Variants in NRG1 observed in about 807,000 individuals in gnomAD.
NRG1 encodes the protein neuregulin 1.
NRG1 carries 18 observed loss-of-function variants against 63.8 expected under a neutral mutation model. That is an observed-to-expected ratio of 0.28 (90% CI 0.19 to 0.42). The LOEUF (loss-of-function observed/expected upper bound fraction) is 0.42. Among genes scored for constraint, NRG1 ranks in the 10% least tolerant of loss-of-function variants. The pLI is 1.00. For synonymous variants in NRG1, 302 were observed against 301.3 expected (o/e 1.00, Z -0.02); for missense variants, 762 against 814.7 (o/e 0.94, Z 0.79).
intron 1 of NRG1, among the ~76,000 whole-genome samples, chr8:31,908,095 C>T (rs143303673): frequency 7.7e-4 from 117 of 152,212 alleles, no homozygotes; most frequent in Non-Finnish European, 1.5e-3. Flanking sequence ...AAAAAGGCAG[C>T]AAGGAGCTAA....
At chr8:31,726,139 T>TA (rs1185533409) in intron 1 of NRG1, among the ~76,000 whole-genome samples, 4 of 151,958 alleles carry the variant, frequency 2.6e-5, no homozygotes, top group African/African-American at 4.8e-5. Context: ...ATTTTCCTAT[T>TA]AAAAAAAGGG....
At chr8:32,737,612 ATAAC>A (rs1825400857) in intron 6 of NRG1, among the ~76,000 whole-genome samples, 3 of 152,202 alleles carry the variant, frequency 2.0e-5, no homozygotes, top group African/African-American at 4.8e-5. Flanking sequence ...AACTATAAAA[ATAAC>A]AGACAGATGT....
chr8:32,537,150 C>T (rs796163384), intron 1 of NRG1, among the ~76,000 whole-genome samples: 3 of 138,070 alleles, frequency 2.2e-5, no homozygotes, highest in South Asian at 2.3e-4. Flanking sequence ...GATCCCAGAT[C>T]GCGCCACTGC....
chr8:32,504,430 G>A (rs1227782328), intron 1 of NRG1, among the ~76,000 whole-genome samples: 4 of 152,028 alleles, frequency 2.6e-5, no homozygotes, highest in African/African-American at 9.7e-5. Flanking sequence ...AATATATTTG[G>A]TTATATTTCT....
chr8:32,181,971 T>G (rs1841475553), intron 1 of NRG1, among the ~76,000 whole-genome samples: 1 of 152,210 alleles, frequency 6.6e-6, no homozygotes, highest in South Asian at 2.1e-4. Flanking sequence ...TTTGAGTTAG[T>G]CTAAATGTAT....
intron 1 of NRG1, among the ~76,000 whole-genome samples, chr8:31,841,234 A>C (rs1053696223): frequency 6.6e-6 from 1 of 150,790 alleles, no homozygotes; most frequent in African/African-American, 2.4e-5. Context: ...TGGAGGTAGG[A>C]ATGGGGGGTG....
At chr8:32,114,159 C>G (rs1305305497) in intron 1 of NRG1, among the ~76,000 whole-genome samples, 1 of 152,192 alleles carries the variant, frequency 6.6e-6, no homozygotes, top group Non-Finnish European at 1.5e-5. Flanking sequence ...GCTTGAGTCA[C>G]CAGCCTTGGC....
rs150007049 is a variant in NRG1 at position 32,331,502 on chromosome 8, G to A, written c.38-264326G>A. On this transcript the variant is annotated intron_variant, in intron 1 of 10. Transcript: ENST00000519301. ...GTTGTGATCATACCACTGCACTCCA[G>A]CCTGGGTGACAGAGGGAGATCTTGT... Among the ~76,000 whole-genome samples the A allele has an allele frequency of 6.1e-3, 925 of 152,172 alleles. 5 individuals are homozygous for A. Among genetic ancestry groups the A allele is most frequent in the Non-Finnish European group, 9.6e-3 (652 of 67,992 alleles).
intron 1 of NRG1, among the ~76,000 whole-genome samples, chr8:32,405,823 TTTTCA>T (rs1450629302): frequency 6.8e-6 from 1 of 147,684 alleles, no homozygotes; most frequent in African/African-American, 2.5e-5. Flanking sequence ...ATTTTATATG[TTTTCA>T]TTTCATTAGT....
chr8:32,331,868 A>T (rs1160861721), intron 1 of NRG1, among the ~76,000 whole-genome samples: 1 of 152,198 alleles, frequency 6.6e-6, no homozygotes, highest in Non-Finnish European at 1.5e-5. Context: ...AAATGTTTGC[A>T]TGCCATTAAT....
intron 1 of NRG1, among the ~76,000 whole-genome samples, chr8:32,498,191 A>G (rs1827442296): frequency 6.6e-6 from 1 of 152,198 alleles, no homozygotes; most frequent in Non-Finnish European, 1.5e-5. Flanking sequence ...AGAAGTGGTT[A>G]GACTAGGGGG....
chr8:32,751,131 C>T (rs1828642741), intron 7 of NRG1: 1 of 152,160 alleles, frequency 6.6e-6, no homozygotes, highest in South Asian at 2.1e-4. Flanking sequence ...AGAAAAGACA[C>T]AGGGGGCTGC....
chr8:31,918,275 G>C (rs1274985634), intron 1 of NRG1, among the ~76,000 whole-genome samples: 2 of 152,184 alleles, frequency 1.3e-5, no homozygotes, highest in Non-Finnish European at 2.9e-5. Flanking sequence ...TCCCTGTCTT[G>C]TGCAAGTTTT....
At position 32,353,301 on chromosome 8, in the gene NRG1, A is replaced by G. The variant is rs922792893; in HGVS notation, c.38-242527A>G. On this transcript the variant is annotated intron_variant, in intron 1 of 10. Coordinates refer to the NRG1 transcript ENST00000519301. ...TATAATTTAAATAAAATAATAATAA[A>G]TAAGAAAAATCACTGAATAAAGGTA... 1.2e-3 allele frequency among the ~76,000 whole-genome samples: 184 copies of G among 150,898 alleles called. 1 individual carries two copies. The highest frequency in any genetic ancestry group is 4.4e-3 in the African/African-American group (181 of 41,394).
chr8:32,416,558 A>C (rs1815943035), intron 1 of NRG1, among the ~76,000 whole-genome samples: 1 of 152,244 alleles, frequency 6.6e-6, no homozygotes, highest in African/African-American at 2.4e-5. Flanking sequence ...AAAACTTGTT[A>C]GAAATGCAAA....
At chr8:32,425,381 T>C (rs1817231974) in intron 1 of NRG1, among the ~76,000 whole-genome samples, 1 of 152,172 alleles carries the variant, frequency 6.6e-6, no homozygotes, top group Non-Finnish European at 1.5e-5. Flanking sequence ...AGAAGAAATG[T>C]GAAGACCATC....
chr8:32,731,191 T>C (rs1467360312), intron 6 of NRG1, among the ~76,000 whole-genome samples: 2 of 152,230 alleles, frequency 1.3e-5, no homozygotes, highest in Admixed American at 1.3e-4. Flanking sequence ...TTCAGTTTTT[T>C]CATTTTAATA....
chr8:32,196,943 CTTTTTTTT>C (rs773398472), intron 1 of NRG1, among the ~76,000 whole-genome samples: 671 of 27,350 alleles, frequency 0.025, 3 homozygotes, highest in African/African-American at 0.059. Flanking sequence ...TCAGAACATT[CTTTTTTTT>C]TTTTTTTTTT....
At chr8:32,120,533 A>G (rs1391337443) in intron 1 of NRG1, among the ~76,000 whole-genome samples, 3 of 152,056 alleles carry the variant, frequency 2.0e-5, no homozygotes, top group African/African-American at 4.8e-5. Flanking sequence ...GAGCACTTTT[A>G]GTCATTTTTG....
Sources: allele counts gnomAD v4.1 joint callset (sites outside exome capture counted in the v4.1 genomes callset), GRCh38; gene constraint gnomAD v4.1.1; transcripts MANE v1.5; gene names NCBI Gene and HGNC (gene_info 2026-07-23, HGNC 2026-07-21).